The following ATF7IP variants were observed in gnomAD, a reference collection of about 807,000 sequenced individuals.
ATF7IP encodes activating transcription factor 7-interacting protein 1.
A neutral mutation model predicts 106.4 loss-of-function variants in ATF7IP; 23 were observed. The ratio of observed to expected loss-of-function variants is 0.22; its 90% confidence interval spans 0.16 to 0.31. The LOEUF is 0.31. Among genes scored for constraint, ATF7IP ranks in the 10% least tolerant of loss-of-function variants. The pLI, the probability that ATF7IP is intolerant of heterozygous loss-of-function variation, is 1.00. For missense variants in ATF7IP, 1,334 were observed against 1,524.3 expected, an observed-to-expected ratio of 0.88 and a Z score of 2.08; for synonymous variants, 542 against 539.0, an observed-to-expected ratio of 1.01 and a Z score of -0.08.
chr12:14,441,915 CTT>C (rs1333321622), intron 5 of ATF7IP, among the ~76,000 whole-genome samples: 1 of 152,116 alleles, frequency 6.6e-6, no homozygotes, highest in Non-Finnish European at 1.5e-5. Flanking sequence ...ATGCACAAAA[CTT>C]TTAAATTTTG....
chr12:14,397,366 T>G (rs1041123498), intron 1 of ATF7IP, among the ~76,000 whole-genome samples: 1 of 152,342 alleles, frequency 6.6e-6, no homozygotes, highest in East Asian at 1.9e-4. Context: ...CTCAAAATCT[T>G]CAAAATGAAA....
intron 1 of ATF7IP, among the ~76,000 whole-genome samples, chr12:14,409,564 T>A (rs1242260724): frequency 6.6e-6 from 1 of 152,134 alleles, no homozygotes; most frequent in Non-Finnish European, 1.5e-5. Flanking sequence ...TGTTTTTTGT[T>A]TTTAAATATC....
intron 1 of ATF7IP, among the ~76,000 whole-genome samples, chr12:14,382,587 G>C (rs1268529089): frequency 1.3e-5 from 2 of 152,142 alleles, no homozygotes; most frequent in African/African-American, 2.4e-5. Context: ...TAAAATCTTA[G>C]TTGACATATT....
Position 14,497,950 on chromosome 12 carries a change from C to T in ATF7IP, c.3690C>T (p.Leu1230=), listed in dbSNP as rs144323399. ...KALPLPMACT[L]TQFVSGSKYY... ...TTCCCTTGCCCATGGCATGTACTCT[C>T]ACCCAGTTTGTATCTGGTAGCAAAT... Residue 1230 remains leucine, a synonymous_variant, in exon 15 of 15, where the codon CTC becomes CTT. Transcript: ENST00000261168. 7.2e-5 allele frequency: 116 copies of T among 1,614,218 alleles called. No individual in the cohort carries two copies. Among genetic ancestry groups the T allele is most frequent in the Non-Finnish European group, 9.2e-5 (109 of 1,180,034 alleles).
chr12:14,475,772 G>A, intron 10 of ATF7IP, 118 bp from the exon 11 acceptor site: 1 of 669,452 alleles, frequency 1.5e-6, no homozygotes, highest in Non-Finnish European at 2.5e-6. Flanking sequence ...AGCCATTTAA[G>A]GGTCCAGATT....
At chr12:14,475,207 A>G (rs1315044649) in intron 10 of ATF7IP, among the ~76,000 whole-genome samples, 3 of 152,212 alleles carry the variant, frequency 2.0e-5, no homozygotes, top group African/African-American at 4.8e-5. Flanking sequence ...TAGCCTCAAT[A>G]TTCAAATATT....
chr12:14,452,309 TTTGA>T (rs1325259027), intron 6 of ATF7IP, among the ~76,000 whole-genome samples: 1 of 152,190 alleles, frequency 6.6e-6, no homozygotes, highest in African/African-American at 2.4e-5. Flanking sequence ...CAACCTGTCG[TTTGA>T]TTGGAGAATT....
chr12:14,478,568 T>A, intron 12 of ATF7IP, 96 bp downstream of exon 12: 1 of 1,398,064 alleles, frequency 7.2e-7, no homozygotes, highest in Admixed American at 1.9e-5. Context: ...AAAATTAATA[T>A]TCATCTTGTT....
intron 1 of ATF7IP, among the ~76,000 whole-genome samples, chr12:14,379,005 A>T (rs1282278584): frequency 6.6e-6 from 1 of 152,192 alleles, no homozygotes; most frequent in Admixed American, 6.5e-5. Flanking sequence ...CACAACTGTC[A>T]TCCTTAGAAT....
At chr12:14,480,974 T>G (rs1296377281) in intron 12 of ATF7IP, 29 bp from the exon 13 acceptor site, 4 of 1,604,576 alleles carry the variant, frequency 2.5e-6, no homozygotes, top group African/African-American at 1.3e-5. Context: ...TTTACTGTAT[T>G]CTTAATATCT....
At chr12:14,374,553 CAA>C (rs1938658241) in intron 1 of ATF7IP, among the ~76,000 whole-genome samples, 1 of 151,884 alleles carries the variant, frequency 6.6e-6, no homozygotes, top group African/African-American at 2.4e-5. Context: ...ACAAGTAAAA[CAA>C]TATATATTTT....
chr12:14,472,271 C>A (rs1944078359), intron 10 of ATF7IP, among the ~76,000 whole-genome samples: 1 of 151,944 alleles, frequency 6.6e-6, no homozygotes, highest in Admixed American at 6.6e-5. Flanking sequence ...ACAAAAGTTG[C>A]CATCAAGTTG....
chr12:14,477,941 A>G (rs1944311792), intron 11 of ATF7IP, among the ~76,000 whole-genome samples: 1 of 152,228 alleles, frequency 6.6e-6, no homozygotes, highest in African/African-American at 2.4e-5. Flanking sequence ...GAAATTCAAG[A>G]TCACAGTGAA....
At chr12:14,487,620 G>A (rs1261575626) in intron 13 of ATF7IP, among the ~76,000 whole-genome samples, 1 of 152,050 alleles carries the variant, frequency 6.6e-6, no homozygotes, top group Non-Finnish European at 1.5e-5. Flanking sequence ...GTAGACACCT[G>A]GTGAGTCTGG....
chr12:14,438,350 T>A, intron 5 of ATF7IP, 83 bp downstream of exon 5: 1 of 1,208,788 alleles, frequency 8.3e-7, no homozygotes, highest in Non-Finnish European at 1.1e-6. Flanking sequence ...TGAGATTAAC[T>A]ATAAAATACA....
At chr12:14,487,585 TC>T (rs1305543000) in intron 13 of ATF7IP, among the ~76,000 whole-genome samples, 5 of 151,990 alleles carry the variant, frequency 3.3e-5, no homozygotes, top group African/African-American at 1.2e-4. Context: ...GGGAAGCTGT[TC>T]CAATCAATAC....
chr12:14,368,402 A>G (rs1196086409), intron 1 of ATF7IP, among the ~76,000 whole-genome samples: 3 of 152,098 alleles, frequency 2.0e-5, no homozygotes, highest in Admixed American at 6.5e-5. Flanking sequence ...CTTTTTAAAC[A>G]CATTTTAAAA....
In ATF7IP at chr12:14,480,973, T is replaced by C. The variant is rs199995327; in HGVS notation, c.3098-30T>C. The C allele has an allele frequency of 3.5e-5, 56 of 1,603,670 alleles. No homozygotes were observed. The East Asian group carries it at 1.1e-3, about 33-fold the overall frequency. ...TTTGCTTAACGTAGAATTTACTGTA[T>C]TCTTAATATCTTTTTCTGCCTTGCA... is the stretch of plus-strand genomic sequence containing the variant. On this transcript the variant is annotated intron_variant, in intron 12 of 14. Coordinates refer to ENST00000261168, the MANE Select transcript of ATF7IP (RefSeq NM_018179.5).
At chr12:14,433,137 G>C (rs1176025496) in intron 2 of ATF7IP, among the ~76,000 whole-genome samples, 1 of 152,152 alleles carries the variant, frequency 6.6e-6, no homozygotes, top group Non-Finnish European at 1.5e-5. Context: ...GGGAAGCTGA[G>C]GTGGGAGGAT....
Sources: gnomAD v4.1 joint callset for allele counts (sites outside exome capture counted in the v4.1 genomes callset) on GRCh38, gnomAD v4.1.1 for gene constraint, MANE v1.5 for transcripts, NCBI Gene and HGNC (gene_info 2026-07-23, HGNC 2026-07-21) for gene names.